Variants in THNSL1 observed in about 807,000 individuals in gnomAD.
THNSL1 encodes threonine synthase-like 1.
THNSL1 carries 48 observed loss-of-function variants against 50.4 expected under a neutral mutation model. That is an observed-to-expected ratio of 0.95 (90% CI 0.76 to 1.21). The LOEUF is 1.21. THNSL1 is among the 50% of genes most tolerant of loss of function. THNSL1 has a pLI of 0.00. For missense variants in THNSL1, 896 were observed against 871.7 expected, an observed-to-expected ratio of 1.03 and a Z score of -0.35; for synonymous variants, 309 against 306.1, an observed-to-expected ratio of 1.01 and a Z score of -0.10.
chr10:25,012,297 C>G (rs985898058), upstream of THNSL1, among the ~76,000 whole-genome samples: 7 of 152,370 alleles, frequency 4.6e-5, no homozygotes, highest in Admixed American at 2.6e-4. Flanking sequence ...GGGAGCCCCC[C>G]ACACAGAATT....
At chr10:24,989,676 A>T in the THNSL1 span, among the ~76,000 whole-genome samples, 1 of 152,250 alleles carries the variant, frequency 6.6e-6, no homozygotes, top group African/African-American at 2.4e-5. Flanking sequence ...ACATTGATAA[A>T]ATGTTCAGAA....
At chr10:24,997,835 TATATC>T in the THNSL1 span, among the ~76,000 whole-genome samples, 3 of 145,266 alleles carry the variant, frequency 2.1e-5, no homozygotes, top group African/African-American at 8.3e-5. Context: ...ATGTTTGTGT[TATATC>T]ATATGTTTAA....
upstream of THNSL1, among the ~76,000 whole-genome samples, chr10:25,015,406 T>C (rs1416159760): frequency 2.6e-5 from 4 of 152,144 alleles, no homozygotes; most frequent in African/African-American, 4.8e-5. Context: ...TTATATTTCA[T>C]AAAAATCTTG....
the THNSL1 span, among the ~76,000 whole-genome samples, chr10:24,972,244 G>A: frequency 4.8e-5 from 7 of 145,452 alleles, no homozygotes; most frequent in East Asian, 2.1e-4. Flanking sequence ...GTGGTGGCTC[G>A]CGCCTGTAAT....
In THNSL1 at chr10:25,025,670, A is replaced by C; in HGVS notation, c.*215A>C. 1 of 520,836 alleles carries C rather than the reference A, an allele frequency of 1.9e-6. No individual in the cohort carries two copies. Among genetic ancestry groups the C allele is most frequent in the Non-Finnish European group, 3.5e-6 (1 of 289,706 alleles). The allele number at this position is 520,836 out of a possible 1,614,324, so 32.3% of individuals were successfully genotyped here. A position where few individuals can be genotyped will look rare whatever the true frequency, so the allele number is the denominator to read the frequency against. On this transcript the variant is annotated 3_prime_UTR_variant, in exon 3 of 3. Transcript: ENST00000376356. ...TGACAAAAGGTAACACAGTGCACGG[A>C]CCTTTGAGCTATCATACTTTTGCCT...
the THNSL1 span, chr10:24,984,894 C>T: frequency 1.1e-5 from 17 of 1,611,388 alleles, no homozygotes; most frequent in Admixed American, 2.9e-4. Flanking sequence ...CTTCCCAGTT[C>T]TTTTTCAGCC....
chr10:25,024,014 G>A lies in THNSL1; in HGVS notation c.791G>A (p.Gly264Asp). ...ATTGAGGGGTTGGCTTCTGATGGTG[G>A]CCTCTTTGTTCCTGCAAAGGAGTTT... Reference protein sequence around the residue: ...AVIEGLASDGGLFVPAKEFPK... With the variant: ...AVIEGLASDGDLFVPAKEFPK... Residue 264 changes from glycine to aspartate, a missense_variant, in exon 3 of 3, where the codon GGC (glycine) becomes GAC (aspartate). Coordinates refer to ENST00000376356, the MANE Select transcript of THNSL1 (RefSeq NM_024838.5). 1 of 1,614,216 alleles carries A rather than the reference G, an allele frequency of 6.2e-7. No homozygotes were observed. Among genetic ancestry groups the A allele is most frequent in the Non-Finnish European group, 8.5e-7 (1 of 1,180,030 alleles).
At chr10:24,996,276 G>A in the THNSL1 span, among the ~76,000 whole-genome samples, 1 of 152,126 alleles carries the variant, frequency 6.6e-6, no homozygotes, top group South Asian at 2.1e-4. Context: ...TGCAAAGTTA[G>A]CCAAGCATGA....
the THNSL1 span, among the ~76,000 whole-genome samples, chr10:25,004,828 CT>C: frequency 6.6e-6 from 1 of 152,176 alleles, no homozygotes; most frequent in African/African-American, 2.4e-5. Context: ...ATCATTAAAT[CT>C]TTGCCCGTGC....
At position 25,023,810 on chromosome 10, in the gene THNSL1, G is replaced by T. The variant is rs1564349601; in HGVS notation, c.587G>T (p.Trp196Leu). 6.2e-7 allele frequency: 1 copy of T among 1,614,078 alleles called. No homozygotes were observed. The highest frequency in any genetic ancestry group is 1.1e-5 in the South Asian group (1 of 91,084). Residue 196 changes from tryptophan to leucine, a missense_variant, in exon 3 of 3, where the codon TGG becomes TTG. Coordinates refer to ENST00000376356, the MANE Select transcript of THNSL1 (RefSeq NM_024838.5). ...TTTAGAAGACAGTATTATAAGAAGT[G>T]GTATGATGCTCGTGTTTTCTGTGAA... The part of the protein sequence containing the change: ...LKFRRQYYKK[W>L]YDARVFCESG...
chr10:25,006,984 T>C, the THNSL1 span, among the ~76,000 whole-genome samples: 1 of 152,214 alleles, frequency 6.6e-6, no homozygotes, highest in African/African-American at 2.4e-5. Context: ...TTGAACATAT[T>C]GCTATTAATA....
chr10:24,986,489 C>T, the THNSL1 span, among the ~76,000 whole-genome samples: 2 of 152,214 alleles, frequency 1.3e-5, no homozygotes, highest in African/African-American at 2.4e-5. Context: ...CAAAAGAATT[C>T]TATTTCTCCA....
rs1305012439 is a variant in THNSL1, at chr10:25,026,498, GTTGT to G, written c.*1046_*1049del. ...TTTGGAGTCAATTCTTACGTAATTT[GTTGT>G]TTATTTCTTCAGTGAACATTGTCTT... On this transcript the variant is annotated 3_prime_UTR_variant, in exon 3 of 3. Transcript: ENST00000376356. The G allele has an allele frequency of 6.0e-6, 1 of 166,996 alleles. No homozygotes were observed. The highest frequency in any genetic ancestry group is 1.5e-5 in the Non-Finnish European group (1 of 68,112). The allele number at this position is 166,996 out of a possible 1,614,324, so 10.3% of individuals were successfully genotyped here.
the THNSL1 span, among the ~76,000 whole-genome samples, chr10:24,978,468 C>T: frequency 6.6e-6 from 1 of 151,110 alleles, no homozygotes; most frequent in African/African-American, 2.4e-5. Flanking sequence ...CTCTCTTTCC[C>T]TCTCTTTCTC....
upstream of THNSL1, chr10:25,015,760 C>T (rs1850554334): frequency 8.9e-7 from 1 of 1,121,744 alleles, no homozygotes; most frequent in Non-Finnish European, 1.2e-6. Flanking sequence ...GGCAAAAATA[C>T]ATTTTATTTA....
chr10:24,959,232 C>T, the THNSL1 span, among the ~76,000 whole-genome samples: 5 of 152,276 alleles, frequency 3.3e-5, no homozygotes, highest in Middle Eastern at 3.4e-3. Context: ...CCTGGGGAGA[C>T]GATCAGCTAG....
the THNSL1 span, among the ~76,000 whole-genome samples, chr10:25,007,262 T>C: frequency 6.6e-6 from 1 of 152,196 alleles, no homozygotes; most frequent in African/African-American, 2.4e-5. Flanking sequence ...AAAATGAGTC[T>C]AACGTTCACA....
chr10:25,005,753 T>C, the THNSL1 span, among the ~76,000 whole-genome samples: 154 of 152,346 alleles, frequency 1.0e-3, no homozygotes, highest in Middle Eastern at 0.01. Context: ...CCCAGCCTGG[T>C]TGTCTGTCAT....
chr10:25,016,034 C>T (rs1332505999), upstream of THNSL1: 1 of 1,493,828 alleles, frequency 6.7e-7, no homozygotes. Flanking sequence ...TTTCTTTCTT[C>T]TTCGCCTTCT....
Sources: allele counts gnomAD v4.1 joint callset (sites outside exome capture counted in the v4.1 genomes callset), GRCh38; gene constraint gnomAD v4.1.1; transcripts MANE v1.5; gene names NCBI Gene and HGNC (gene_info 2026-07-23, HGNC 2026-07-21).